Variants in CFAP91 observed in about 807,000 individuals in gnomAD.
The protein encoded by CFAP91 is cilia and flagella associated protein 91.
CFAP91 carries 85 observed loss-of-function variants against 95.9 expected under a neutral mutation model. The observed-to-expected ratio is 0.89, with a 90% CI of 0.74 to 1.06. The LOEUF is 1.06. Among genes scored for constraint, CFAP91 ranks in the 50% least tolerant of loss-of-function variants. The pLI is 0.00. For missense variants in CFAP91, 962 were observed against 943.4 expected, an observed-to-expected ratio of 1.02 and a Z score of -0.26; for synonymous variants, 335 against 327.5, an observed-to-expected ratio of 1.02 and a Z score of -0.25.
chr3:119,750,769 A>G (rs139581863), intron 16 of CFAP91, 168 bp from the exon 17 acceptor site: 95 of 685,638 alleles, frequency 1.4e-4, no homozygotes, highest in African/African-American at 3.9e-4. Context: ...AAGGAGTATG[A>G]CTGGGCTGAA....
chr3:119,747,275 G>T lies in CFAP91; in HGVS notation c.2051+12G>T. The stretch of plus-strand genomic sequence containing the variant: ...GAAATGGAAAGCCGGTGTGTATCAA[G>T]AGAACAGATTGTAGAATGGACAGCC... On this transcript the variant is annotated intron_variant, in intron 15 of 17. Transcript: ENST00000273390. 2 of 1,609,582 alleles carry T rather than the reference G, an allele frequency of 1.2e-6. No individual in the cohort carries two copies. The highest frequency in any genetic ancestry group is 1.7e-6 in the Non-Finnish European group (2 of 1,178,456).
chr3:119,729,832 G>A (rs572686440), intron 7 of CFAP91, among the ~76,000 whole-genome samples: 3 of 152,268 alleles, frequency 2.0e-5, no homozygotes, highest in South Asian at 2.1e-4. Context: ...TCACTCCTTA[G>A]GATAGCATGC....
chr3:119,708,793 C>A, intron 4 of CFAP91, 119 bp downstream of exon 4: 1 of 611,700 alleles, frequency 1.6e-6, no homozygotes. Flanking sequence ...ATTTTAAGTG[C>A]TTTACATGCA....
At chr3:119,738,902 T>C (rs1343708344) in intron 11 of CFAP91, among the ~76,000 whole-genome samples, 3 of 152,168 alleles carry the variant, frequency 2.0e-5, no homozygotes, top group Non-Finnish European at 4.4e-5. Context: ...TGATCAAACA[T>C]GAAAAATCCT....
chr3:119,761,695 A>G (rs2054540769), intron 17 of CFAP91, among the ~76,000 whole-genome samples: 1 of 151,996 alleles, frequency 6.6e-6, no homozygotes, highest in African/African-American at 2.4e-5. Context: ...ACACAAATCT[A>G]TAAATGTGAT....
At chr3:119,762,825 A>G (rs2054561939) in intron 17 of CFAP91, among the ~76,000 whole-genome samples, 2 of 152,060 alleles carry the variant, frequency 1.3e-5, no homozygotes, top group Admixed American at 1.3e-4. Flanking sequence ...CCAACTCAAA[A>G]TGGATTAAAT....
At chr3:119,739,110 A>G in intron 11 of CFAP91, 145 bp from the exon 12 acceptor site, 2 of 657,698 alleles carry the variant, frequency 3.0e-6, no homozygotes, top group Non-Finnish European at 2.8e-6. Context: ...ATGTTCAATA[A>G]GGGCAGGGAC....
At chr3:119,714,467 G>A (rs1483968800) in intron 5 of CFAP91, among the ~76,000 whole-genome samples, 1 of 151,866 alleles carries the variant, frequency 6.6e-6, no homozygotes, top group Admixed American at 6.6e-5. Context: ...TTTATGAGAA[G>A]GCCTGTTTCT....
chr3:119,747,566 C>T (rs571196337), intron 15 of CFAP91: 3 of 561,864 alleles, frequency 5.3e-6, no homozygotes, highest in East Asian at 2.9e-5. Flanking sequence ...TTGCTGGCTT[C>T]TATGTATAAG....
intron 8 of CFAP91, among the ~76,000 whole-genome samples, 170 bp from the exon 9 acceptor site, chr3:119,732,124 A>G (rs74898621): frequency 0.015 from 2,248 of 152,374 alleles, 40 homozygotes; most frequent in African/African-American, 0.038. Context: ...TGGGCCACAC[A>G]GATGGCAGAT....
In CFAP91 at chr3:119,765,112, A is replaced by G. The variant is rs931944874; in HGVS notation, c.*62A>G. 4 of 152,196 alleles carry G rather than the reference A, an allele frequency of 2.6e-5. No homozygotes were observed. The highest frequency in any genetic ancestry group is 9.6e-5 in the African/African-American group (4 of 41,460). The allele number at this position is 152,196 out of a possible 1,614,324, so 9.4% of individuals were successfully genotyped here. A position where few individuals can be genotyped will look rare whatever the true frequency, so the allele number is the denominator to read the frequency against. ...ATCATAAATAATTCCAATAGTCTGC[A>G]CTTCTCCCAAGGTGTGCACTGCTCA... On this transcript the variant is annotated 3_prime_UTR_variant, in exon 18 of 18. Coordinates refer to ENST00000273390, the MANE Select transcript of CFAP91 (RefSeq NM_033364.4).
chr3:119,749,677 C>T (rs2054289316), intron 16 of CFAP91, among the ~76,000 whole-genome samples: 1 of 151,966 alleles, frequency 6.6e-6, no homozygotes, highest in Non-Finnish European at 1.5e-5. Context: ...TATATTTTTG[C>T]CAAATCAAAA....
At position 119,744,178 on chromosome 3, in the gene CFAP91, G is replaced by C; in HGVS notation, c.1884G>C (p.Glu628Asp). 6.2e-7 allele frequency: 1 copy of C among 1,612,554 alleles called. No individual in the cohort carries two copies. Residue 628 changes from glutamate (E) to aspartate (D), a missense_variant, in exon 14 of 18, where the codon GAG becomes GAC. Glu to Asp is a conservative substitution (Grantham distance 45). Transcript: ENST00000273390. The part of the protein sequence containing the change: ...RQVEKQRLRE[E>D]DEIFKEVVKV... ...TGGAAAAACAGCGCCTGCGGGAGGAGGACGAGATATTTAAGGAGGCAAGTA... is the reference window on the plus strand; with the variant it reads ...TGGAAAAACAGCGCCTGCGGGAGGACGACGAGATATTTAAGGAGGCAAGTA...
At chr3:119,747,051 T>C in intron 14 of CFAP91, 64 bp from the exon 15 acceptor site, 1 of 1,286,214 alleles carries the variant, frequency 7.8e-7, no homozygotes, top group Non-Finnish European at 1.1e-6. Flanking sequence ...AATGTTTGTG[T>C]ATTTTTCTTG....
chr3:119,743,258 C>T (rs1162447916), intron 13 of CFAP91, among the ~76,000 whole-genome samples: 1 of 151,874 alleles, frequency 6.6e-6, no homozygotes, highest in Admixed American at 6.6e-5. Context: ...GCTGGGATTA[C>T]AGGCACGCAC....
chr3:119,733,928 C>A (rs1285395529), intron 10 of CFAP91, among the ~76,000 whole-genome samples: 1 of 152,148 alleles, frequency 6.6e-6, no homozygotes, highest in Non-Finnish European at 1.5e-5. Flanking sequence ...GCTCTAAAGG[C>A]TCTAGTTAAA....
chr3:119,764,723 G>T (rs527309664), intron 17 of CFAP91, among the ~76,000 whole-genome samples: 114 of 152,222 alleles, frequency 7.5e-4, no homozygotes, highest in African/African-American at 2.2e-3. Context: ...GGAAACTGGG[G>T]ACTGGAGTTC....
At chr3:119,752,098 A>G (rs1224218634) in intron 17 of CFAP91, among the ~76,000 whole-genome samples, 1 of 152,150 alleles carries the variant, frequency 6.6e-6, no homozygotes, top group African/African-American at 2.4e-5. Flanking sequence ...AATGGAGTGA[A>G]CTTTTTGCTT....
intron 7 of CFAP91, among the ~76,000 whole-genome samples, chr3:119,726,729 A>C (rs780983463): frequency 5.3e-5 from 8 of 151,716 alleles, no homozygotes; most frequent in Non-Finnish European, 1.0e-4. Flanking sequence ...CTGTCCCTTC[A>C]TGTTCATTCC....
Sources: allele counts gnomAD v4.1 joint callset (sites outside exome capture counted in the v4.1 genomes callset), GRCh38; gene constraint gnomAD v4.1.1; transcripts MANE v1.5; gene names NCBI Gene and HGNC (gene_info 2026-07-23, HGNC 2026-07-21).